Variants in ROBO2 observed in about 807,000 individuals in gnomAD.
ROBO2 encodes the protein roundabout homolog 2.
In ROBO2, 53 loss-of-function variants were observed where a neutral mutation model predicts 160.8. The observed-to-expected ratio is 0.33, with a 90% CI of 0.26 to 0.41. The LOEUF is 0.41. ROBO2 is among the 10% of genes least tolerant of loss of function. The pLI, the probability that ROBO2 is intolerant of heterozygous loss-of-function variation, is 1.00. For missense variants in ROBO2, 1,577 were observed against 1,722.4 expected, an observed-to-expected ratio of 0.92 and a Z score of 1.49; for synonymous variants, 664 against 611.7, an observed-to-expected ratio of 1.09 and a Z score of -1.26.
At chr3:76,180,811 T>A (rs1385260842) in intron 2 of ROBO2, among the ~76,000 whole-genome samples, 2 of 152,090 alleles carry the variant, frequency 1.3e-5, no homozygotes, top group Non-Finnish European at 2.9e-5. Context: ...GTTTTCTATA[T>A]CATCAAGATT....
intron 2 of ROBO2, among the ~76,000 whole-genome samples, chr3:77,229,451 G>T (rs754284941): frequency 1.3e-5 from 2 of 151,864 alleles, no homozygotes; most frequent in Non-Finnish European, 2.9e-5. Flanking sequence ...GGGAGGCCGA[G>T]GCAGGTGGAT....
intron 2 of ROBO2, among the ~76,000 whole-genome samples, chr3:76,881,368 G>T (rs539514711): frequency 6.6e-6 from 1 of 152,280 alleles, no homozygotes; most frequent in African/African-American, 2.4e-5. Flanking sequence ...TAGAGTGACT[G>T]AATGTGGAAA....
intron 6 of ROBO2, among the ~76,000 whole-genome samples, chr3:77,532,878 T>A (rs1008985596): frequency 6.6e-6 from 1 of 152,052 alleles, no homozygotes; most frequent in African/African-American, 2.4e-5. Flanking sequence ...TGTTTTAAAT[T>A]GTTTCTGTGT....
At chr3:77,374,380 T>A (rs1373653721) in intron 2 of ROBO2, among the ~76,000 whole-genome samples, 1 of 151,932 alleles carries the variant, frequency 6.6e-6, no homozygotes, top group East Asian at 1.9e-4. Flanking sequence ...AGGAAAGGAA[T>A]TGAGAGATTT....
intron 2 of ROBO2, among the ~76,000 whole-genome samples, chr3:76,118,008 G>A (rs931817660): frequency 1.3e-5 from 2 of 152,012 alleles, no homozygotes; most frequent in Non-Finnish European, 2.9e-5. Flanking sequence ...GGTGGGGTGA[G>A]GGGGAGGGAT....
At chr3:77,602,604 C>A in intron 20 of ROBO2, 113 bp downstream of exon 21, 1 of 1,276,998 alleles carries the variant, frequency 7.8e-7, no homozygotes, top group Non-Finnish European at 1.1e-6. Context: ...ACTACCTAAA[C>A]TAAAAAAAGA....
intron 2 of ROBO2, among the ~76,000 whole-genome samples, chr3:75,957,230 A>G (rs1948750835): frequency 9.8e-6 from 1 of 102,062 alleles, no homozygotes; most frequent in African/African-American, 3.1e-5. Flanking sequence ...CACAAAACAC[A>G]CACGCACACA....
chr3:77,632,393 ACTTGCTCATT>A, intron 23 of ROBO2: 1 of 979,254 alleles, frequency 1.0e-6, no homozygotes, highest in Non-Finnish European at 1.4e-6. Flanking sequence ...TGGACAACTT[ACTTGCTCATT>A]AGTATAGTGT....
chr3:76,350,371 C>A (rs34123767), intron 2 of ROBO2, among the ~76,000 whole-genome samples: 1 of 152,010 alleles, frequency 6.6e-6, no homozygotes, highest in African/African-American at 2.4e-5. Context: ...GAGAATATCA[C>A]ATTCTCCTTA....
intron 2 of ROBO2, among the ~76,000 whole-genome samples, chr3:77,437,890 G>T (rs1471546032): frequency 6.6e-6 from 1 of 151,974 alleles, no homozygotes; most frequent in African/African-American, 2.4e-5. Context: ...ACTTATATCA[G>T]TCGGTATGCC....
intron 2 of ROBO2, among the ~76,000 whole-genome samples, chr3:75,982,601 C>G (rs2065309563): frequency 6.6e-6 from 1 of 151,324 alleles, no homozygotes; most frequent in Non-Finnish European, 1.5e-5. Context: ...ATTTTTAAAG[C>G]CCTAATTTTA....
At chr3:77,564,498 C>A (rs1450616644) in intron 11 of ROBO2, 1 of 455,058 alleles carries the variant, frequency 2.2e-6, no homozygotes, top group East Asian at 6.9e-5. Context: ...GGAAATGATG[C>A]AAAAGAAAAC....
chr3:77,341,430 C>A (rs1239432328), intron 2 of ROBO2, among the ~76,000 whole-genome samples: 1 of 152,064 alleles, frequency 6.6e-6, no homozygotes, highest in African/African-American at 2.4e-5. Flanking sequence ...ATTTCTCATA[C>A]ATTTTAAGCC....
chr3:76,912,535 AAT>A (rs1157461635), intron 2 of ROBO2, among the ~76,000 whole-genome samples: 13 of 152,176 alleles, frequency 8.5e-5, no homozygotes, highest in Admixed American at 3.3e-4. Flanking sequence ...ATCAGCATGT[AAT>A]AATCAGTAGC....
Position 75,964,722 on chromosome 3 carries a change from G to A in ROBO2, c.109+27120G>A, listed in dbSNP as rs191704339. On this transcript the variant is annotated intron_variant, in intron 2 of 26. Transcript: ENST00000487694. ...TTGATAATTAACTGGTAAGTTACAC[G>A]AGTTTCAATTTCCCAGAACTCTAAT... Among the ~76,000 whole-genome samples, 24 of 151,628 alleles carry A rather than the reference G, an allele frequency of 1.6e-4. 1 individual carries two copies. The East Asian group carries it at 4.5e-3, about 28-fold the overall frequency.
intron 2 of ROBO2, among the ~76,000 whole-genome samples, chr3:77,107,264 G>T (rs1470937903): frequency 2.6e-5 from 4 of 152,090 alleles, no homozygotes; most frequent in African/African-American, 9.7e-5. Context: ...TGTGAATTTT[G>T]GGGGGATATA....
chr3:77,074,940 G>A (rs1462408220), intron 1 of ROBO2, among the ~76,000 whole-genome samples: 3 of 152,074 alleles, frequency 2.0e-5, no homozygotes, highest in Non-Finnish European at 4.4e-5. Flanking sequence ...AAGATGGCAG[G>A]CTTCATATTT....
intron 2 of ROBO2, among the ~76,000 whole-genome samples, chr3:76,761,566 G>T (rs1474606748): frequency 6.6e-6 from 1 of 151,608 alleles, no homozygotes; most frequent in East Asian, 2.0e-4. Context: ...GCCGTTACTT[G>T]CCAATTTAAA....
chr3:76,679,773 C>A (rs1282400665), intron 2 of ROBO2, among the ~76,000 whole-genome samples: 1 of 152,124 alleles, frequency 6.6e-6, no homozygotes, highest in South Asian at 2.1e-4. Flanking sequence ...TTTATTCTAA[C>A]TTGTGCCTTA....
Sources: allele counts gnomAD v4.1 joint callset (sites outside exome capture counted in the v4.1 genomes callset), GRCh38; gene constraint gnomAD v4.1.1; transcripts MANE v1.5; gene names NCBI Gene and HGNC (gene_info 2026-07-23, HGNC 2026-07-21).